The following CFAP54 variants were observed in gnomAD, a reference collection of about 807,000 sequenced individuals.
CFAP54 encodes cilia and flagella associated protein 54.
A neutral mutation model predicts 370.4 loss-of-function variants in CFAP54; 290 were observed. The observed-to-expected ratio is 0.78, with a 90% CI of 0.71 to 0.86. The LOEUF (loss-of-function observed/expected upper bound fraction) is 0.86, where lower values mean the gene tolerates loss of function less well. Ranked by LOEUF, CFAP54 falls within the 40% of genes least tolerant of loss-of-function variation. CFAP54 has a pLI of 0.00. For synonymous variants in CFAP54, 1,206 were observed against 1,236.5 expected (o/e 0.98, Z 0.52); for missense variants, 3,399 against 3,528.7 (o/e 0.96, Z 0.93).
At chr12:96,611,500 G>A (rs1352700527) in intron 26 of CFAP54, among the ~76,000 whole-genome samples, 1 of 152,248 alleles carries the variant, frequency 6.6e-6, no homozygotes, top group Non-Finnish European at 1.5e-5. Flanking sequence ...CCAAAGGAAT[G>A]CAGCTCCTCA....
chr12:96,517,283 A>G (rs998496442), intron 5 of CFAP54, among the ~76,000 whole-genome samples: 2 of 152,132 alleles, frequency 1.3e-5, no homozygotes, highest in African/African-American at 4.8e-5. Context: ...AGCTCTTTTG[A>G]TTAGAGTGAG....
At chr12:96,551,329 C>T (rs920136966) in intron 15 of CFAP54, among the ~76,000 whole-genome samples, 1 of 152,046 alleles carries the variant, frequency 6.6e-6, no homozygotes, top group Non-Finnish European at 1.5e-5. Flanking sequence ...AAGGAGATGC[C>T]TCAACTTGGG....
At chr12:96,736,329 C>CAG (rs978040123) in intron 50 of CFAP54, among the ~76,000 whole-genome samples, 10 of 151,560 alleles carry the variant, frequency 6.6e-5, no homozygotes, top group African/African-American at 9.7e-5. Flanking sequence ...CCAAATTTAC[C>CAG]AGAGAGAGAG....
At chr12:96,613,149 A>G (rs963353370) in intron 26 of CFAP54, among the ~76,000 whole-genome samples, 1 of 152,218 alleles carries the variant, frequency 6.6e-6, no homozygotes, top group African/African-American at 2.4e-5. Flanking sequence ...AATGTAAAAG[A>G]ATAGAAATTA....
intron 27 of CFAP54, among the ~76,000 whole-genome samples, chr12:96,622,240 C>T (rs939641235): frequency 6.6e-5 from 10 of 152,092 alleles, no homozygotes; most frequent in African/African-American, 2.4e-4. Context: ...CTTACAAGAA[C>T]TTATGCTTAT....
intron 51 of CFAP54, among the ~76,000 whole-genome samples, chr12:96,741,160 A>G (rs1958046557): frequency 6.6e-6 from 1 of 151,400 alleles, no homozygotes; most frequent in Non-Finnish European, 1.5e-5. Context: ...TCGACTGCTT[A>G]CTCTTGGTTT....
rs545020674 is a variant in CFAP54, at chr12:96,580,656, A to G, written c.2856A>G (p.Leu952=). The G allele has an allele frequency of 6.5e-7, 1 of 1,528,294 alleles. No homozygotes were observed. The highest frequency in any genetic ancestry group is 8.8e-7 in the Non-Finnish European group (1 of 1,142,766). 94.7% of individuals were successfully genotyped at this position (1,528,294 alleles called of 1,614,324 possible). ...KAEGSYGKVR[L]NNNHLPNSGE... ...AAGGAAGTTATGGAAAAGTACGGCT[A>G]AACAATAATCATCTCCCAAATTCAG... Residue 952 remains leucine, a synonymous_variant, in exon 21 of 68, where the codon CTA becomes CTG. Coordinates refer to ENST00000524981, the MANE Select transcript of CFAP54 (RefSeq NM_001306084.2).
rs751731483 is a variant in CFAP54 at position 96,651,658 on chromosome 12, A to G, written c.4943A>G (p.Gln1648Arg). ...NCCRALWNFT[Q>R]ELQILLKQAV... Reference sequence around the variant, plus strand: ...TGTCGGGCCTTATGGAACTTTACTCAGGAACTACAAATACTTCTTAAACAG... The same window carrying G: ...TGTCGGGCCTTATGGAACTTTACTCGGGAACTACAAATACTTCTTAAACAG... The change falls in exon 36 of 68, where the codon CAG becomes CGG. Residue 1648 changes from glutamine to arginine, a missense_variant. Physicochemically the swap from Gln to Arg is conservative, Grantham distance 43 (BLOSUM62 1). Around this residue, in one of 3 missense-constraint regions of CFAP54, gnomAD observed 2,796 missense variants for 2,869.7 expected, o/e 0.97. Coordinates refer to ENST00000524981, the MANE Select transcript of CFAP54 (RefSeq NM_001306084.2). 12 of 1,614,030 alleles carry G rather than the reference A, an allele frequency of 7.4e-6. No individual in the cohort carries two copies. Among genetic ancestry groups the G allele is most frequent in the Non-Finnish European group, 9.3e-6 (11 of 1,180,026 alleles).
At position 96,512,983 on chromosome 12, in the gene CFAP54, C is replaced by T; in HGVS notation, c.740-3C>T. The T allele has an allele frequency of 6.6e-7, 1 of 1,512,752 alleles. No individual in the cohort carries two copies. Among genetic ancestry groups the T allele is most frequent in the Non-Finnish European group, 8.8e-7 (1 of 1,132,026 alleles). 93.7% of individuals were successfully genotyped at this position (1,512,752 alleles called of 1,614,324 possible). A position where few individuals can be genotyped will look rare whatever the true frequency, so the allele number is the denominator to read the frequency against. ...CATGTTAACAATCGTTTTCTCCATC[C>T]AGGTACCATTTATATTTACACCATT... On this transcript the variant is annotated splice_polypyrimidine_tract_variant and splice_region_variant and intron_variant, in intron 4 of 67. Transcript: ENST00000524981.
At position 96,521,203 on chromosome 12, in the gene CFAP54, A is replaced by G. The variant is rs1407132094; in HGVS notation, c.943-654A>G. Reference sequence around the variant, plus strand: ...TTAAAAATTATAAATGATGAATGAAATATTTCAAAGAGTTGGTGAAATAAG... The same window carrying G: ...TTAAAAATTATAAATGATGAATGAAGTATTTCAAAGAGTTGGTGAAATAAG... On this transcript the variant is annotated intron_variant, in intron 6 of 67. Transcript: ENST00000524981. 2.6e-5 allele frequency among the ~76,000 whole-genome samples: 4 copies of G among 152,214 alleles called. No homozygotes were observed. In the East Asian group the frequency reaches 7.7e-4, roughly 29 times the overall value.
intron 26 of CFAP54, among the ~76,000 whole-genome samples, chr12:96,607,392 AAAAC>A (rs913999471): frequency 5.9e-5 from 9 of 152,324 alleles, no homozygotes; most frequent in East Asian, 1.9e-4. Flanking sequence ...GATCTAAAAG[AAAAC>A]AAACAAAAAT....
chr12:96,720,525 C>G lies in CFAP54; in HGVS notation c.6925C>G (p.Leu2309Val). The change falls in exon 50 of 68, where the codon CTG becomes GTG. Residue 2309 changes from leucine to valine, a missense_variant. By Grantham distance (32) the Leu-to-Val change is conservative (BLOSUM62 1). Transcript: ENST00000524981. ...GATTGTGGTGGAGGCCCGGCTTCAG[C>G]TGGCTGCAGTTGCTCTGCAGAGGCA... ...LEIVVEARLQ[L>V]AAVALQRHRA... is the part of the protein sequence containing the mutation. 6.3e-7 allele frequency: 1 copy of G among 1,587,278 alleles called. No individual in the cohort carries two copies. The highest frequency in any genetic ancestry group is 1.3e-5 in the African/African-American group (1 of 74,396).
chr12:96,835,387 C>G (rs935649593), intron 66 of CFAP54, among the ~76,000 whole-genome samples: 1 of 152,074 alleles, frequency 6.6e-6, no homozygotes, highest in African/African-American at 2.4e-5. Flanking sequence ...CATAGGTGGC[C>G]AAGGGTGGGC....
chr12:96,807,604 G>A (rs1338122374), intron 63 of CFAP54, among the ~76,000 whole-genome samples: 1 of 152,164 alleles, frequency 6.6e-6, no homozygotes, highest in South Asian at 2.1e-4. Context: ...CATCATGAGT[G>A]TATTTCTCCT....
rs540471733 is a variant in CFAP54, at chr12:96,642,077, A to T, written c.4317-2101A>T. 7.2e-4 allele frequency among the ~76,000 whole-genome samples: 109 copies of T among 151,964 alleles called. 1 individual carries two copies. The highest frequency in any genetic ancestry group is 2.4e-3 in the Admixed American group (37 of 15,264). On this transcript the variant is annotated intron_variant, in intron 32 of 67. Transcript: ENST00000524981. ...CATTTACCCTAAAACTTAAAGTATA[A>T]AAAAAAGAAAAGAATGGTATTTGTG... is the stretch of plus-strand genomic sequence containing the variant.
At chr12:96,849,877 TCA>T (rs1302058786) in intron 66 of CFAP54, among the ~76,000 whole-genome samples, 2 of 152,180 alleles carry the variant, frequency 1.3e-5, no homozygotes, top group African/African-American at 2.4e-5. Flanking sequence ...ACTAACTAAT[TCA>T]CAGTCTTTTA....
chr12:96,510,963 CA>C (rs11479059), intron 4 of CFAP54, among the ~76,000 whole-genome samples: 45,245 of 103,504 alleles, frequency 0.44, 7,359 homozygotes, highest in East Asian at 0.65. Flanking sequence ...ACTCTTATCT[CA>C]AAAAAAAAAA....
chr12:96,699,569 C>T (rs768098878), intron 45 of CFAP54, among the ~76,000 whole-genome samples: 28 of 152,148 alleles, frequency 1.8e-4, no homozygotes, highest in Non-Finnish European at 2.9e-4. Context: ...TGACTTGCCT[C>T]GTTGGGCTGG....
intron 50 of CFAP54, among the ~76,000 whole-genome samples, chr12:96,731,818 G>C (rs1031695413): frequency 1.3e-5 from 2 of 151,970 alleles, no homozygotes; most frequent in Non-Finnish European, 2.9e-5. Context: ...AGATTTTAAT[G>C]GAACAAAGTA....
Sources: gnomAD v4.1 joint callset for allele counts (sites outside exome capture counted in the v4.1 genomes callset) on GRCh38, gnomAD v4.1.1 for gene constraint, gnomAD v4.1.1 regional missense constraint, MANE v1.5 for transcripts, NCBI Gene and HGNC (gene_info 2026-07-23, HGNC 2026-07-21) for gene names.